Variants in PTPRT observed in about 807,000 individuals in gnomAD.
The protein encoded by PTPRT is receptor-type tyrosine-protein phosphatase T.
A neutral mutation model predicts 176.8 loss-of-function variants in PTPRT; 56 were observed. The ratio of observed to expected loss-of-function variants is 0.32; its 90% CI spans 0.26 to 0.40. The LOEUF is 0.40. Ranked by LOEUF, PTPRT falls within the 10% of genes least tolerant of loss-of-function variation. The probability of loss-of-function intolerance (pLI) is 1.00; values close to 1 mark genes in which losing one functional copy is unlikely to be tolerated. For synonymous variants in PTPRT, 783 were observed against 739.0 expected, an observed-to-expected ratio of 1.06 and a Z score of -0.96; for missense variants, 1,540 against 1,908.2, an observed-to-expected ratio of 0.81 and a Z score of 3.60.
At chr20:42,557,650 A>C (rs767249681) in intron 7 of PTPRT, among the ~76,000 whole-genome samples, 5 of 152,190 alleles carry the variant, frequency 3.3e-5, no homozygotes, top group Non-Finnish European at 4.4e-5. Context: ...GGGGACAGAA[A>C]GTCATTGTGG....
intron 1 of PTPRT, among the ~76,000 whole-genome samples, chr20:42,968,481 T>A (rs1982429386): frequency 6.6e-6 from 1 of 152,092 alleles, no homozygotes; most frequent in Non-Finnish European, 1.5e-5. Context: ...AATGAACTAA[T>A]AAGTGGACAC....
intron 6 of PTPRT, among the ~76,000 whole-genome samples, chr20:42,686,576 C>A (rs756133412): frequency 1.4e-5 from 2 of 144,126 alleles, no homozygotes; most frequent in Non-Finnish European, 3.0e-5. Context: ...CTCCGCCTCC[C>A]GGGTTCAAGT....
At chr20:42,093,323 G>C (rs1211636992) in intron 27 of PTPRT, among the ~76,000 whole-genome samples, 2 of 152,196 alleles carry the variant, frequency 1.3e-5, no homozygotes, top group Non-Finnish European at 2.9e-5. Flanking sequence ...CGTGGTTCTA[G>C]GATTTTACCC....
chr20:42,301,007 C>T (rs1309940966), intron 12 of PTPRT, among the ~76,000 whole-genome samples: 2 of 151,862 alleles, frequency 1.3e-5, no homozygotes, highest in African/African-American at 4.8e-5. Context: ...TACCTAATGG[C>T]AAACATCTTT....
chr20:43,098,412 G>A (rs1476532347), intron 1 of PTPRT, among the ~76,000 whole-genome samples: 1 of 152,062 alleles, frequency 6.6e-6, no homozygotes, highest in Non-Finnish European at 1.5e-5. Flanking sequence ...TTGTACATTA[G>A]GAATATTCAT....
chr20:42,904,905 C>CA, intron 1 of PTPRT, among the ~76,000 whole-genome samples: 1 of 152,252 alleles, frequency 6.6e-6, no homozygotes, highest in South Asian at 2.1e-4. Context: ...ACATCTTATA[C>CA]AAAAATTAAT....
At chr20:43,044,559 G>A (rs892587263) in intron 1 of PTPRT, among the ~76,000 whole-genome samples, 7 of 152,142 alleles carry the variant, frequency 4.6e-5, no homozygotes, top group African/African-American at 1.4e-4. Context: ...CAACACAGAT[G>A]GCATGGATTC....
At chr20:42,168,161 TGAGGAG>T (rs34120918) in intron 16 of PTPRT, among the ~76,000 whole-genome samples, 52,220 of 151,080 alleles carry the variant, frequency 0.35, 9,274 homozygotes, top group East Asian at 0.38. Context: ...TTGAGTAGAC[TGAGGAG>T]GAGGAGGAGG....
chr20:42,799,399 T>A (rs1294122640), intron 2 of PTPRT, among the ~76,000 whole-genome samples: 2 of 152,120 alleles, frequency 1.3e-5, no homozygotes, highest in African/African-American at 4.8e-5. Flanking sequence ...CCAGCATACT[T>A]CTTCTGGTCC....
intron 1 of PTPRT, among the ~76,000 whole-genome samples, chr20:43,163,777 C>T (rs560320855): frequency 2.6e-5 from 4 of 152,260 alleles, no homozygotes; most frequent in South Asian, 2.1e-4. Context: ...ATATATACAC[C>T]GACAGCACAT....
At chr20:42,681,312 C>A (rs879010752) in intron 6 of PTPRT, among the ~76,000 whole-genome samples, 1 of 152,142 alleles carries the variant, frequency 6.6e-6, no homozygotes, top group African/African-American at 2.4e-5. Context: ...CCAGACAGAG[C>A]ACTGAGCGCA....
At chr20:42,415,509 G>A (rs1463032871) in intron 9 of PTPRT, among the ~76,000 whole-genome samples, 1 of 152,116 alleles carries the variant, frequency 6.6e-6, no homozygotes, top group African/African-American at 2.4e-5. Flanking sequence ...ACCATGTCTA[G>A]CCCAGTTGCT....
intron 7 of PTPRT, among the ~76,000 whole-genome samples, chr20:42,623,559 G>GCATAATTCACCAAGCAT: frequency 6.6e-6 from 1 of 152,196 alleles, no homozygotes; most frequent in East Asian, 1.9e-4. Context: ...AATGGTGATA[G>GCATAATTCACCAAGCAT]AATTCAGTGC....
At chr20:42,782,649 C>T (rs1229848212) in intron 3 of PTPRT, among the ~76,000 whole-genome samples, 1 of 152,184 alleles carries the variant, frequency 6.6e-6, no homozygotes, top group Non-Finnish European at 1.5e-5. Context: ...CCATGTCATA[C>T]ATCTCTGAAT....
chr20:42,995,509 C>A (rs1984172632), intron 1 of PTPRT, among the ~76,000 whole-genome samples: 1 of 152,122 alleles, frequency 6.6e-6, no homozygotes, highest in Admixed American at 6.5e-5. Flanking sequence ...CCCCTCCTAC[C>A]TCTGAAACAC....
At chr20:42,381,141 C>T (rs2058695005) in intron 9 of PTPRT, among the ~76,000 whole-genome samples, 1 of 152,164 alleles carries the variant, frequency 6.6e-6, no homozygotes, top group Non-Finnish European at 1.5e-5. Context: ...TTCCACCAGG[C>T]CCTACCTCCC....
intron 7 of PTPRT, among the ~76,000 whole-genome samples, chr20:42,667,454 C>A (rs2146026118): frequency 6.6e-6 from 1 of 152,296 alleles, no homozygotes; most frequent in South Asian, 2.1e-4. Flanking sequence ...TAATCATACA[C>A]TTTCTTTACA....
chr20:42,993,246 G>A (rs1282851158), intron 1 of PTPRT, among the ~76,000 whole-genome samples: 5 of 151,062 alleles, frequency 3.3e-5, no homozygotes, highest in Admixed American at 2.6e-4. Flanking sequence ...GTGAAACCCT[G>A]TCTCTACTAA....
chr20:43,033,858 A>T (rs1394525725), intron 1 of PTPRT, among the ~76,000 whole-genome samples: 6 of 152,138 alleles, frequency 3.9e-5, no homozygotes, highest in Admixed American at 3.9e-4. Flanking sequence ...CAAGTGGTGG[A>T]GCTGGAATTG....
Sources: allele counts gnomAD v4.1 joint callset (sites outside exome capture counted in the v4.1 genomes callset), GRCh38; gene constraint gnomAD v4.1.1; transcripts MANE v1.5; gene names NCBI Gene and HGNC (gene_info 2026-07-23, HGNC 2026-07-21).